The following POU6F2 variants were observed in gnomAD, a reference collection of about 807,000 sequenced individuals.
The protein encoded by POU6F2 is POU class 6 homeobox 2.
Under a neutral mutation model 71.3 loss-of-function variants are expected in POU6F2, and 31 were observed. The ratio of observed to expected loss-of-function variants is 0.43; its 90% CI spans 0.33 to 0.59. POU6F2 has a LOEUF of 0.59. Among genes scored for constraint, POU6F2 ranks in the 20% least tolerant of loss-of-function variants. The probability of loss-of-function intolerance (pLI) is 0.04; values close to 1 mark genes in which losing one functional copy is unlikely to be tolerated. For missense variants in POU6F2, 783 were observed against 856.8 expected, an observed-to-expected ratio of 0.91 and a Z score of 1.07; for synonymous variants, 347 against 355.7, an observed-to-expected ratio of 0.98 and a Z score of 0.27.
chr7:39,173,370 T>C (rs1793263829), intron 2 of POU6F2, among the ~76,000 whole-genome samples: 1 of 152,218 alleles, frequency 6.6e-6, no homozygotes, highest in Non-Finnish European at 1.5e-5. Context: ...TTACTTAACT[T>C]TTCTATGCTT....
At chr7:39,436,389 T>C (rs1788243199) in intron 7 of POU6F2, among the ~76,000 whole-genome samples, 1 of 152,170 alleles carries the variant, frequency 6.6e-6, no homozygotes, top group Admixed American at 6.5e-5. Context: ...GTAGTGATTG[T>C]GAATGGGAGT....
At chr7:39,027,241 A>G (rs1789829471) in intron 1 of POU6F2, among the ~76,000 whole-genome samples, 1 of 152,166 alleles carries the variant, frequency 6.6e-6, no homozygotes, top group African/African-American at 2.4e-5. Context: ...TTTCAAATAC[A>G]TTGGGTACCT....
chr7:39,034,097 A>G (rs914016074), intron 1 of POU6F2, among the ~76,000 whole-genome samples: 20 of 152,184 alleles, frequency 1.3e-4, no homozygotes, highest in African/African-American at 4.8e-4. Flanking sequence ...GACATGTTAT[A>G]TTGAAGTATG....
At chr7:39,006,397 G>A (rs1212745825) in intron 1 of POU6F2, among the ~76,000 whole-genome samples, 1 of 152,094 alleles carries the variant, frequency 6.6e-6, no homozygotes, top group African/African-American at 2.4e-5. Context: ...CTGGGAGGCG[G>A]AGGTTGCAGT....
rs1788822456 is a variant in POU6F2, at chr7:38,998,929, G to A, written c.105+20871G>A. ...TCCGCCCGCCTCGGCCTCACAAAGTGCTGGGATTACAGGCGTGAGCCACTG... is the reference window on the plus strand; with the variant it reads ...TCCGCCCGCCTCGGCCTCACAAAGTACTGGGATTACAGGCGTGAGCCACTG... On this transcript the variant is annotated intron_variant, in intron 1 of 9. Transcript: ENST00000518318. Among the ~76,000 whole-genome samples the A allele has an allele frequency of 2.7e-5, 4 of 150,820 alleles. No individual in the cohort carries two copies. In the South Asian group the frequency reaches 8.3e-4, roughly 31 times the overall value.
intron 1 of POU6F2, among the ~76,000 whole-genome samples, chr7:39,082,067 T>G (rs1280464599): frequency 1.3e-5 from 2 of 152,236 alleles, no homozygotes; most frequent in Non-Finnish European, 2.9e-5. Flanking sequence ...GTAAAGGCAT[T>G]CAATAAGTGG....
chr7:39,154,854 A>T (rs1408153822), intron 2 of POU6F2, among the ~76,000 whole-genome samples: 1 of 152,170 alleles, frequency 6.6e-6, no homozygotes, highest in East Asian at 1.9e-4. Context: ...AGCAAAATGG[A>T]GAAGGTGGCT....
Position 39,464,378 on chromosome 7 carries a change from C to T in POU6F2, c.1855C>T (p.Arg619Ter). 6.2e-7 allele frequency: 1 copy of T among 1,614,032 alleles called. No homozygotes were observed. Among genetic ancestry groups the T allele is most frequent in the Non-Finnish European group, 8.5e-7 (1 of 1,179,890 alleles). The stretch of plus-strand genomic sequence containing the variant: ...GATGGCTGAGGCTGAGGCCCGCCAT[C>T]GAGCAGGTATGCAGAACCTGACCGA... ...RWMAEAEARH[R>*]AGMQNLTEFI... Residue 619 changes from arginine to a stop codon, truncating the protein, a stop_gained, in exon 10 of 10, where the codon CGA becomes TGA. Transcript: ENST00000518318. LOFTEE classifies it high-confidence loss of function. The surrounding 1 kb of genome is among the most constrained non-coding windows in gnomAD (Gnocchi z 4.1).
intron 5 of POU6F2, among the ~76,000 whole-genome samples, chr7:39,386,816 CAGTCTGTCTTCA>C (rs1345961570): frequency 3.3e-5 from 5 of 152,194 alleles, no homozygotes; most frequent in Non-Finnish European, 7.3e-5. Context: ...GGTTGCCTTC[CAGTCTGTCTTCA>C]ACGCACACAC....
At chr7:39,093,880 G>T (rs1355875684) in intron 2 of POU6F2, among the ~76,000 whole-genome samples, 2 of 151,986 alleles carry the variant, frequency 1.3e-5, no homozygotes, top group African/African-American at 4.8e-5. Context: ...TGTGTCTATG[G>T]TCTGCTTTTC....
chr7:39,263,717 A>G (rs113089125), intron 4 of POU6F2, among the ~76,000 whole-genome samples: 2,674 of 152,180 alleles, frequency 0.018, 72 homozygotes, highest in African/African-American at 0.061. Context: ...CATCTTTCTA[A>G]TTACCCTTAT....
chr7:39,327,827 T>A (rs942651041), intron 4 of POU6F2, among the ~76,000 whole-genome samples: 1 of 151,484 alleles, frequency 6.6e-6, no homozygotes, highest in Admixed American at 6.6e-5. Flanking sequence ...TAATATTAGT[T>A]CCATATATGT....
At chr7:38,995,419 A>C (rs542352938) in intron 1 of POU6F2, among the ~76,000 whole-genome samples, 9 of 152,322 alleles carry the variant, frequency 5.9e-5, no homozygotes, top group African/African-American at 2.2e-4. Flanking sequence ...CATGTATACA[A>C]ATGTAACAAA....
At chr7:39,324,201 A>G (rs748153462) in intron 4 of POU6F2, among the ~76,000 whole-genome samples, 1 of 152,126 alleles carries the variant, frequency 6.6e-6, no homozygotes, top group Non-Finnish European at 1.5e-5. Context: ...AAAGGAAGTG[A>G]TAAATATGGA....
At chr7:39,150,207 T>A (rs991628447) in intron 2 of POU6F2, among the ~76,000 whole-genome samples, 2 of 143,168 alleles carry the variant, frequency 1.4e-5, no homozygotes, top group Non-Finnish European at 3.0e-5. Context: ...TTTCCTTTTT[T>A]AAGGCTGAGT....
intron 4 of POU6F2, among the ~76,000 whole-genome samples, chr7:39,234,175 T>C (rs775727061): frequency 5.9e-5 from 9 of 152,158 alleles, no homozygotes; most frequent in Non-Finnish European, 1.0e-4. Context: ...TGTTCAAGTA[T>C]TGAATAAGAT....
At chr7:39,058,842 G>A (rs1192065673) in intron 1 of POU6F2, among the ~76,000 whole-genome samples, 1 of 152,146 alleles carries the variant, frequency 6.6e-6, no homozygotes, top group Non-Finnish European at 1.5e-5. Context: ...GATTTACACA[G>A]GGGCAGGGAG....
Position 39,354,768 on chromosome 7 carries a change from G to GT in POU6F2, c.972+14754dup, listed in dbSNP as rs200094798. On this transcript the variant is annotated intron_variant, in intron 5 of 9. Transcript: ENST00000518318. ...TCAGAAGTTAGAATTTAGGAGGAATGTAAGACTTCTTGCTAACTATTTCTG... is the reference window on the plus strand; with the variant it reads ...TCAGAAGTTAGAATTTAGGAGGAATGTTAAGACTTCTTGCTAACTATTTCTG... 1.4e-3 allele frequency among the ~76,000 whole-genome samples: 211 copies of GT among 152,318 alleles called. 5 individuals are homozygous for GT. In the East Asian group the frequency reaches 0.037, roughly 27 times the overall value.
intron 6 of POU6F2, among the ~76,000 whole-genome samples, chr7:39,409,413 T>C (rs886935242): frequency 6.6e-6 from 1 of 152,226 alleles, no homozygotes; most frequent in Non-Finnish European, 1.5e-5. Context: ...TAGATTCTTT[T>C]GGCTACCCGG....
Sources: allele counts gnomAD v4.1 joint callset (sites outside exome capture counted in the v4.1 genomes callset), GRCh38; gene constraint gnomAD v4.1.1; non-coding constraint Gnocchi (gnomAD v3.1); transcripts MANE v1.5; gene names NCBI Gene and HGNC (gene_info 2026-07-23, HGNC 2026-07-21).